MYL3: variants seen among roughly 807,000 people sequenced by gnomAD.
MYL3 encodes myosin light chain 3.
In MYL3, 11 loss-of-function variants were observed where a neutral mutation model predicts 21.3. The ratio of observed to expected loss-of-function variants is 0.52; its 90% confidence interval spans 0.32 to 0.85. The LOEUF (loss-of-function observed/expected upper bound fraction) is 0.85. Ranked by LOEUF, MYL3 falls within the 40% of genes least tolerant of loss-of-function variation. The probability of loss-of-function intolerance (pLI) is 0.03; values close to 1 mark genes in which losing one functional copy is unlikely to be tolerated. For missense variants in MYL3, 206 were observed against 253.3 expected (o/e 0.81, Z 1.27); for synonymous variants, 88 against 91.6 (o/e 0.96, Z 0.22).
intron 1 of MYL3, among the ~76,000 whole-genome samples, chr3:46,876,535 G>A (rs1326319712): frequency 1.3e-5 from 2 of 152,224 alleles, no homozygotes; most frequent in African/African-American, 4.8e-5. Flanking sequence ...AGTCCATTCT[G>A]CTCTTTGGTC....
chr3:46,873,125 G>A (rs74930280), intron 1 of MYL3, among the ~76,000 whole-genome samples: 1 of 152,350 alleles, frequency 6.6e-6, no homozygotes, highest in East Asian at 1.9e-4. Context: ...ATACCAGGAG[G>A]TCTGAGGTCT....
At position 46,858,439 on chromosome 3, in the gene MYL3, T is replaced by C. The variant is rs1575497436; in HGVS notation, c.504A>G (p.Glu168=). 2 of 1,613,622 alleles carry C rather than the reference T, an allele frequency of 1.2e-6. No homozygotes were observed. The highest frequency in any genetic ancestry group is 1.6e-4 in the Middle Eastern group (1 of 6,084). ...ATLGERLTED[E]VEKLMAGQED... ...CTTGCCCAGCCATCAACTTCTCCAC[T>C]TCGTCTTCTGTCAGCCTCTCACCTG... The change falls in exon 5 of 7, where the codon GAA becomes GAG. Residue 168 remains glutamate (E), a synonymous_variant. Coordinates refer to ENST00000292327, the MANE Select transcript of MYL3 (RefSeq NM_000258.3).
intron 1 of MYL3, among the ~76,000 whole-genome samples, chr3:46,868,465 T>C (rs1702070744): frequency 6.6e-6 from 1 of 152,138 alleles, no homozygotes; most frequent in Non-Finnish European, 1.5e-5. Flanking sequence ...AACCTTGTGG[T>C]TCTAGGGGTG....
At chr3:46,870,008 T>A (rs1702093207) in intron 1 of MYL3, among the ~76,000 whole-genome samples, 1 of 150,910 alleles carries the variant, frequency 6.6e-6, no homozygotes, top group Non-Finnish European at 1.5e-5. Context: ...ACACAGAGAC[T>A]GAGACAGAGA....
At chr3:46,875,416 G>A (rs1310339883) in intron 1 of MYL3, among the ~76,000 whole-genome samples, 1 of 152,200 alleles carries the variant, frequency 6.6e-6, no homozygotes, top group Non-Finnish European at 1.5e-5. Context: ...CCAAGGCCAG[G>A]TATGCAGCCT....
chr3:46,862,865 G>A (rs554803845), intron 1 of MYL3, among the ~76,000 whole-genome samples: 10 of 152,328 alleles, frequency 6.6e-5, no homozygotes, highest in South Asian at 2.1e-4. Flanking sequence ...CGCTGGGAGC[G>A]TGTATGGACT....
At position 46,872,450 on chromosome 3, in the gene MYL3, C is replaced by A. The variant is rs899586238; in HGVS notation, c.-217-5850G>T. Among the ~76,000 whole-genome samples the A allele has an allele frequency of 9.2e-5, 14 of 152,062 alleles. 1 individual carries two copies. The highest frequency in any genetic ancestry group is 3.4e-3 in the Middle Eastern group (1 of 294). ...TGCTGTAGGGCCCCAAGACCCCCCC[C>A]CTCAGCCCACCCCCAACCAGCATGC... On this transcript the variant is annotated intron_variant, in intron 1 of 3. Transcript: ENST00000431168.
At chr3:46,881,474 G>C (rs1273593745) in intron 1 of MYL3, among the ~76,000 whole-genome samples, 1 of 152,182 alleles carries the variant, frequency 6.6e-6, no homozygotes, top group African/African-American at 2.4e-5. Flanking sequence ...TGAAGCCTGA[G>C]AGTGGGTGTC....
chr3:46,879,558 C>T lies in MYL3; in HGVS notation c.-218+2516G>A, dbSNP rs1228275742. ...AAGAGTTGGAGACCAGTCTAGGCAA[C>T]AAAGTGAGACCTCGTCTCTACAAAA... On this transcript the variant is annotated intron_variant, in intron 1 of 3. Coordinates refer to the MYL3 transcript ENST00000431168. The surrounding 1 kb of genome is among the most constrained non-coding windows in gnomAD (Gnocchi z 4.7). Among the ~76,000 whole-genome samples, 2 of 151,722 alleles carry T rather than the reference C, an allele frequency of 1.3e-5. No homozygotes were observed. The highest frequency in any genetic ancestry group is 1.3e-4 in the Admixed American group (2 of 15,250).
chr3:46,867,123 C>T (rs1702053668), upstream of MYL3, among the ~76,000 whole-genome samples: 1 of 152,022 alleles, frequency 6.6e-6, no homozygotes, highest in South Asian at 2.1e-4. Context: ...GACCTAGACC[C>T]AGATCCTGGC....
chr3:46,870,784 C>A (rs1322457252), intron 1 of MYL3, among the ~76,000 whole-genome samples: 2 of 152,182 alleles, frequency 1.3e-5, no homozygotes, highest in Admixed American at 1.3e-4. Flanking sequence ...CCTACTCCAC[C>A]TACTCCACCT....
At chr3:46,880,615 C>T (rs2030490462) in intron 1 of MYL3, among the ~76,000 whole-genome samples, 1 of 152,114 alleles carries the variant, frequency 6.6e-6, no homozygotes, top group Non-Finnish European at 1.5e-5. Context: ...TGGTACACAC[C>T]TGTAGTCCCA....
intron 1 of MYL3, among the ~76,000 whole-genome samples, chr3:46,873,902 C>G (rs2030044308): frequency 6.6e-6 from 1 of 152,202 alleles, no homozygotes; most frequent in Non-Finnish European, 1.5e-5. Context: ...TGGGCCAGAC[C>G]AGCTGCCAGT....
intron 1 of MYL3, among the ~76,000 whole-genome samples, chr3:46,878,637 G>T (rs2030375324): frequency 6.6e-6 from 1 of 152,174 alleles, no homozygotes; most frequent in Non-Finnish European, 1.5e-5. Flanking sequence ...AGGGAGGAAG[G>T]CCAGGCTGCA....
At chr3:46,880,720 T>C (rs1575504829) in intron 1 of MYL3, among the ~76,000 whole-genome samples, 1 of 151,840 alleles carries the variant, frequency 6.6e-6, no homozygotes, top group South Asian at 2.1e-4. Context: ...AAGTGAGACT[T>C]TGTCTTGAAG....
At chr3:46,878,468 T>C (rs1221804637) in intron 1 of MYL3, among the ~76,000 whole-genome samples, 1 of 152,162 alleles carries the variant, frequency 6.6e-6, no homozygotes, top group Non-Finnish European at 1.5e-5. Context: ...CTGGGGCTCA[T>C]GATGGAGATA....
rs749017586 is a variant in MYL3 at position 46,860,965 on chromosome 3, A to C, written c.152T>G (p.Ile51Ser). ...GGTTCAAGACCCCTGCTCACCTTCAATCTGCTCAGGTGTGAACTCAATCTG... is the reference window on the plus strand; with the variant it reads ...GGTTCAAGACCCCTGCTCACCTTCACTCTGCTCAGGTGTGAACTCAATCTG... ...KIKIEFTPEQ[I>S]EEFKEAFMLF... Residue 51 changes from isoleucine to serine, a missense_variant, in exon 2 of 7, where the codon ATT (isoleucine) becomes AGT (serine). Physicochemically the swap from Ile to Ser is moderately radical, Grantham distance 142 (BLOSUM62 -2). Transcript: ENST00000292327. This position sits in a 1 kb window ranked among gnomAD's most constrained non-coding sequence, Gnocchi z 4.6. 1 of 1,613,934 alleles carries C rather than the reference A, an allele frequency of 6.2e-7. No individual in the cohort carries two copies. The highest frequency in any genetic ancestry group is 1.1e-5 in the South Asian group (1 of 91,068).
At chr3:46,873,080 C>T (rs974987869) in intron 1 of MYL3, among the ~76,000 whole-genome samples, 1 of 152,216 alleles carries the variant, frequency 6.6e-6, no homozygotes, top group Non-Finnish European at 1.5e-5. Flanking sequence ...GGGACAGAGG[C>T]AGCAGCATAT....
rs1701963206 is a variant in MYL3 at position 46,859,140 on chromosome 3, T to C, written c.481+335A>G. Among the ~76,000 whole-genome samples, 1 of 152,164 alleles carries C rather than the reference T, an allele frequency of 6.6e-6. No homozygotes were observed. The highest frequency in any genetic ancestry group is 2.1e-4 in the South Asian group (1 of 4,832). The stretch of plus-strand genomic sequence containing the variant: ...CCCAGGCGGCAGGCACTTGACCTGC[T>C]TGACCACTTAGGGCTGTGGCCCTGG... On this transcript the variant is annotated intron_variant, in intron 4 of 6. Coordinates refer to ENST00000292327, the MANE Select transcript of MYL3 (RefSeq NM_000258.3). The surrounding 1 kb of genome is among the most constrained non-coding windows in gnomAD (Gnocchi z 4.1).
Sources: allele counts gnomAD v4.1 joint callset (sites outside exome capture counted in the v4.1 genomes callset), GRCh38; gene constraint gnomAD v4.1.1; non-coding constraint Gnocchi (gnomAD v3.1); transcripts MANE v1.5; gene names NCBI Gene and HGNC (gene_info 2026-07-23, HGNC 2026-07-21).